The following CHD2 variants were observed in gnomAD, a reference collection of about 807,000 sequenced individuals.
CHD2 encodes ATP-dependent chromatin remodeler CHD2.
CHD2 carries 28 observed loss-of-function variants against 243.9 expected under a neutral mutation model. That is an observed-to-expected ratio of 0.11 (90% CI 0.09 to 0.16). The LOEUF (loss-of-function observed/expected upper bound fraction) is 0.16. Ranked by LOEUF, CHD2 falls within the 10% of genes least tolerant of loss-of-function variation. The pLI, the probability that CHD2 is intolerant of heterozygous loss-of-function variation, is 1.00. For synonymous variants in CHD2, 775 were observed against 779.0 expected (o/e 0.99, Z 0.09); for missense variants, 1,386 against 2,209.8 (o/e 0.63, Z 7.47).
rs34171538 is a variant in CHD2 at position 92,919,307 on chromosome 15, C to CT, written c.63-5004dup. 2.1e-3 allele frequency among the ~76,000 whole-genome samples: 315 copies of CT among 149,044 alleles called. 2 individuals carry two copies. Among genetic ancestry groups the CT allele is most frequent in the African/African-American group, 6.8e-3 (275 of 40,450 alleles). ...AAATTAAGTAATGACTTTGTTAAGG[C>CT]TTTTTTTTTTCTTCTTTAAGCAGTT... On this transcript the variant is annotated intron_variant, in intron 2 of 38. Coordinates refer to ENST00000394196, the MANE Select transcript of CHD2 (RefSeq NM_001271.4).
rs544082740 is a variant in CHD2, at chr15:92,918,808, CAT to C, written c.63-5507_63-5506del. On this transcript the variant is annotated intron_variant, in intron 2 of 38. Transcript: ENST00000394196. ...TACACATGTACGCTATATATACACA[CAT>C]ATATACACATATACATATATATACA... Among the ~76,000 whole-genome samples the C allele has an allele frequency of 9.8e-3, 1,485 of 151,522 alleles. 24 individuals carry two copies. The highest frequency in any genetic ancestry group is 0.033 in the African/African-American group (1,369 of 41,306).
rs143614581 is a variant in CHD2, at chr15:92,924,450, G to A, written c.192G>A (p.Ser64=). 21 of 1,614,002 alleles carry A rather than the reference G, an allele frequency of 1.3e-5. No individual in the cohort carries two copies. In the East Asian group the frequency reaches 1.6e-4, roughly 12 times the overall value. ...GCTCTGAATCTTCTGAGAGTCAGTC[G>A]GAATCTGAGAGCGAATCAGCAGGTT... ...NSSSESSESQ[S]ESESESAGSK... is the part of the protein sequence containing the mutation. Residue 64 remains serine (S), a synonymous_variant, in exon 3 of 39, where the codon TCG becomes TCA. Transcript: ENST00000394196.
At chr15:92,935,016 T>G (rs906646939) in intron 5 of CHD2, among the ~76,000 whole-genome samples, 12 of 140,608 alleles carry the variant, frequency 8.5e-5, no homozygotes, top group Admixed American at 6.3e-4. Flanking sequence ...ATTTGCTAAG[T>G]TTTTTTTTTC....
chr15:92,903,428 A>C (rs2052558555), intron 2 of CHD2, among the ~76,000 whole-genome samples: 1 of 152,238 alleles, frequency 6.6e-6, no homozygotes, highest in Admixed American at 6.5e-5. Context: ...GGAAAGAATG[A>C]GTGCAAGTTT....
chr15:92,939,253 C>T (rs2053318607), intron 6 of CHD2, among the ~76,000 whole-genome samples: 1 of 152,102 alleles, frequency 6.6e-6, no homozygotes, highest in Admixed American at 6.5e-5. Flanking sequence ...CCAGTTTGCC[C>T]ACCAAAGAGA....
At chr15:93,014,629 C>T in intron 36 of CHD2, 67 bp from the exon 37 acceptor site, 2 of 1,410,730 alleles carry the variant, frequency 1.4e-6, no homozygotes, top group Non-Finnish European at 2.0e-6. Flanking sequence ...GAGGTGATAG[C>T]CTTTATTCTT....
Position 92,976,178 on chromosome 15 carries a change from C to A in CHD2, c.2577+1228C>A, listed in dbSNP as rs1159738143. Among the ~76,000 whole-genome samples the A allele has an allele frequency of 4.6e-5, 7 of 151,984 alleles. No individual in the cohort carries two copies. In the Admixed American group the frequency reaches 4.6e-4, roughly 10 times the overall value. ...AGTATGAGTCGAATGTTTCATATTGCCCTGTCTCAGGGGAAAAAAAAAATT... is the reference window on the plus strand; with the variant it reads ...AGTATGAGTCGAATGTTTCATATTGACCTGTCTCAGGGGAAAAAAAAAATT... On this transcript the variant is annotated intron_variant, in intron 20 of 38. Transcript: ENST00000394196.
At chr15:92,924,661 C>A in intron 3 of CHD2, 109 bp downstream of exon 3, 3 of 885,582 alleles carry the variant, frequency 3.4e-6, no homozygotes, top group South Asian at 1.4e-5. Flanking sequence ...AAACCTACAG[C>A]CATTTTTTCT....
At chr15:92,921,127 G>A (rs541264919) in intron 2 of CHD2, among the ~76,000 whole-genome samples, 21 of 152,246 alleles carry the variant, frequency 1.4e-4, no homozygotes, top group African/African-American at 4.8e-4. Context: ...TGTCAGTATT[G>A]TGGAAGTATC....
chr15:93,024,878 G>C lies in CHD2; in HGVS notation c.*173G>C, dbSNP rs952981898. 9.8e-6 allele frequency: 6 copies of C among 611,682 alleles called. No homozygotes were observed. The highest frequency in any genetic ancestry group is 1.7e-5 in the Non-Finnish European group (6 of 358,206). The allele number at this position is 611,682 out of a possible 1,614,324, so 37.9% of individuals were successfully genotyped here. ...AATGGGAGGCCTTTCACTGGGTCCAGCTCTGATTCGGGTCACCACTCCTGC... is the reference window on the plus strand; with the variant it reads ...AATGGGAGGCCTTTCACTGGGTCCACCTCTGATTCGGGTCACCACTCCTGC... On this transcript the variant is annotated 3_prime_UTR_variant, in exon 39 of 39. Transcript: ENST00000394196.
At position 92,980,815 on chromosome 15, in the gene CHD2, C is replaced by G; in HGVS notation, c.2877C>G (p.Asn959Lys). 1 of 1,611,096 alleles carries G rather than the reference C, an allele frequency of 6.2e-7. No homozygotes were observed. The highest frequency in any genetic ancestry group is 8.5e-7 in the Non-Finnish European group (1 of 1,177,642). ...TAACAACTACATTTTACTTCCACAG[C>G]TCAAATCCTTTTAATAAAGAAGAGC... The part of the protein sequence containing the change: ...TILENNSGRS[N>K]SNPFNKEELT... The change falls in exon 23 of 39, where the codon AAC becomes AAG. Residue 959 changes from asparagine (N) to lysine (K), a missense_variant and splice_region_variant. Asn to Lys is a moderately conservative substitution (Grantham distance 94). This residue lies in a region of CHD2 where 99 missense variants were observed against 206.4 expected (regional missense o/e 0.48). Transcript: ENST00000394196.
intron 16 of CHD2, among the ~76,000 whole-genome samples, chr15:92,965,733 G>T (rs2053753257): frequency 6.6e-6 from 1 of 152,120 alleles, no homozygotes; most frequent in African/African-American, 2.4e-5. Flanking sequence ...TCTCCTCAGT[G>T]TGTGTAGATC....
intron 7 of CHD2, 102 bp downstream of exon 7, chr15:92,939,820 A>G (rs2053328663): frequency 9.9e-6 from 12 of 1,211,516 alleles, no homozygotes; most frequent in Non-Finnish European, 1.3e-5. Flanking sequence ...ATAGATAAAA[A>G]TAACAGCCTA....
chr15:92,953,689 C>A, intron 14 of CHD2, 116 bp downstream of exon 14: 2 of 911,276 alleles, frequency 2.2e-6, no homozygotes, highest in Non-Finnish European at 3.4e-6. Context: ...TGATACTGTG[C>A]TGTGTTCTCA....
chr15:92,952,715 G>A (rs1405481846), intron 13 of CHD2, among the ~76,000 whole-genome samples: 2 of 152,204 alleles, frequency 1.3e-5, no homozygotes, highest in Non-Finnish European at 2.9e-5. Context: ...CTGGGTTCCC[G>A]AGTGGGGAAT....
chr15:92,950,700 C>T (rs2053542190), intron 13 of CHD2, among the ~76,000 whole-genome samples: 1 of 151,478 alleles, frequency 6.6e-6, no homozygotes, highest in Non-Finnish European at 1.5e-5. Flanking sequence ...TTGCAGTGAG[C>T]CATTTTCGCA....
chr15:93,000,787 C>T (rs938962573), intron 32 of CHD2, 147 bp downstream of exon 32: 17 of 884,224 alleles, frequency 1.9e-5, no homozygotes, highest in Middle Eastern at 3.6e-4. Context: ...AATCTGTCAG[C>T]GAGGATAGTT....
chr15:92,935,967 C>T (rs1190786253), intron 5 of CHD2, among the ~76,000 whole-genome samples: 7 of 151,900 alleles, frequency 4.6e-5, no homozygotes, highest in Non-Finnish European at 7.4e-5. Context: ...GAAACATCTC[C>T]ATTTGCCTGA....
At chr15:92,970,496 C>T (rs1406774135) in intron 17 of CHD2, among the ~76,000 whole-genome samples, 13 of 152,178 alleles carry the variant, frequency 8.5e-5, no homozygotes, top group Admixed American at 8.5e-4. Flanking sequence ...GCCACCGCAC[C>T]TGGCCCATAA....
Sources: allele counts gnomAD v4.1 joint callset (sites outside exome capture counted in the v4.1 genomes callset), GRCh38; gene constraint gnomAD v4.1.1; regional missense constraint gnomAD v4.1.1; transcripts MANE v1.5; gene names NCBI Gene and HGNC (gene_info 2026-07-23, HGNC 2026-07-21).